DCBLD2: variants seen among roughly 807,000 people sequenced by gnomAD.
DCBLD2 encodes the protein discoidin, CUB and LCCL domain-containing protein 2.
Under a neutral mutation model 86.8 loss-of-function variants are expected in DCBLD2, and 54 were observed. That is an observed-to-expected ratio of 0.62 (90% CI 0.50 to 0.78). The LOEUF (loss-of-function observed/expected upper bound fraction) is 0.78, where lower values mean the gene tolerates loss of function less well. Ranked by LOEUF, DCBLD2 falls within the 30% of genes least tolerant of loss-of-function variation. The pLI, the probability that DCBLD2 is intolerant of heterozygous loss-of-function variation, is 0.00. For synonymous variants in DCBLD2, 354 were observed against 341.3 expected (o/e 1.04, Z -0.41); for missense variants, 908 against 954.2 (o/e 0.95, Z 0.64).
At chr3:98,842,932 T>G (rs1023660215) in intron 3 of DCBLD2, among the ~76,000 whole-genome samples, 1 of 152,146 alleles carries the variant, frequency 6.6e-6, no homozygotes, top group Non-Finnish European at 1.5e-5. Context: ...CAAACACGTA[T>G]GTAGTCTCTT....
chr3:98,844,736 A>C (rs1369136574), intron 3 of DCBLD2, among the ~76,000 whole-genome samples: 1 of 152,170 alleles, frequency 6.6e-6, no homozygotes, highest in African/African-American at 2.4e-5. Flanking sequence ...GTTCTGCCTC[A>C]CTCAGTAACA....
At chr3:98,849,309 T>C (rs1942788110) in intron 3 of DCBLD2, 152 bp downstream of exon 3, 2 of 926,308 alleles carry the variant, frequency 2.2e-6, no homozygotes, top group South Asian at 3.5e-5. Flanking sequence ...GAAACTGAAC[T>C]CACCTTATTT....
intron 1 of DCBLD2, among the ~76,000 whole-genome samples, chr3:98,886,625 T>C (rs913968930): frequency 1.3e-5 from 2 of 151,966 alleles, no homozygotes; most frequent in Non-Finnish European, 2.9e-5. Flanking sequence ...GTTAACCTAA[T>C]TTTTGAATTT....
At chr3:98,800,873 G>A (rs889650961) in intron 14 of DCBLD2, 157 bp from the exon 15 acceptor site, 27 of 788,394 alleles carry the variant, frequency 3.4e-5, no homozygotes, top group South Asian at 2.4e-4. Flanking sequence ...TTTTTTTGCT[G>A]TGATAGACTA....
At chr3:98,846,039 C>A (rs1456894712) in intron 3 of DCBLD2, among the ~76,000 whole-genome samples, 1 of 152,192 alleles carries the variant, frequency 6.6e-6, no homozygotes, top group Non-Finnish European at 1.5e-5. Flanking sequence ...CCCTATACTG[C>A]AAGTTCCATG....
Position 98,799,932 on chromosome 3 carries a change from A to G in DCBLD2, c.1859-91T>C, listed in dbSNP as rs1443425469. Reference sequence around the variant, plus strand: ...GCAGCTGCAGATTATACTAAAAGCAAACATTCTTTAGGATACTTTTGTTGC... The same window carrying G: ...GCAGCTGCAGATTATACTAAAAGCAGACATTCTTTAGGATACTTTTGTTGC... On this transcript the variant is annotated intron_variant, in intron 15 of 15. Transcript: ENST00000326840. The G allele has an allele frequency of 3.6e-6, 4 of 1,098,116 alleles. No individual in the cohort carries two copies. In the Admixed American group the frequency reaches 1.1e-4, roughly 31 times the overall value. The allele number at this position is 1,098,116 out of a possible 1,614,324, so 68.0% of individuals were successfully genotyped here.
intron 2 of DCBLD2, among the ~76,000 whole-genome samples, chr3:98,865,679 T>TA (rs1194294303): frequency 6.6e-6 from 1 of 152,134 alleles, no homozygotes; most frequent in Non-Finnish European, 1.5e-5. Context: ...TATGAAAACA[T>TA]AATGTACAGC....
In DCBLD2 at chr3:98,901,378, G is replaced by A. The variant is rs2107539742; in HGVS notation, c.-52C>T. On this transcript the variant is annotated 5_prime_UTR_variant, in exon 1 of 16. Transcript: ENST00000326840. ...AGTGCGGGTGCCTCGGCAGCCCCGC[G>A]CGCCTCTGGCCGCGGCACCCGACCA... is the stretch of plus-strand genomic sequence containing the variant. 6 of 1,272,158 alleles carry A rather than the reference G, an allele frequency of 4.7e-6. No homozygotes were observed. In the African/African-American group the frequency reaches 7.8e-5, roughly 17 times the overall value. 78.8% of individuals were successfully genotyped at this position (1,272,158 alleles called of 1,614,324 possible). A position where few individuals can be genotyped will look rare whatever the true frequency, so the allele number is the denominator to read the frequency against.
chr3:98,860,554 AG>A (rs1283348090), intron 2 of DCBLD2, among the ~76,000 whole-genome samples: 3 of 152,238 alleles, frequency 2.0e-5, no homozygotes, highest in African/African-American at 7.2e-5. Flanking sequence ...GCCAGAAGAC[AG>A]TAGGGGCCAA....
intron 2 of DCBLD2, among the ~76,000 whole-genome samples, chr3:98,864,272 A>T (rs889555257): frequency 6.6e-6 from 1 of 152,196 alleles, no homozygotes; most frequent in South Asian, 2.1e-4. Flanking sequence ...TAAACTTGTT[A>T]AACCATTGTA....
chr3:98,796,248 A>ACG lies in DCBLD2; in HGVS notation c.*3123_*3124insCG. ...ACTTTTCCCAGTGCCACACACACAC[A>ACG]CACAAAAACAAAACAAAACAAAAAA... On this transcript the variant is annotated 3_prime_UTR_variant, in exon 16 of 16. Transcript: ENST00000326840. The ACG allele has an allele frequency of 6.6e-6, 1 of 152,316 alleles. No homozygotes were observed. The highest frequency in any genetic ancestry group is 6.6e-5 in the Admixed American group (1 of 15,242). The allele number at this position is 152,316 out of a possible 1,614,324, so 9.4% of individuals were successfully genotyped here. A position where few individuals can be genotyped will look rare whatever the true frequency, so the allele number is the denominator to read the frequency against.
At chr3:98,843,524 T>C (rs931398610) in intron 3 of DCBLD2, among the ~76,000 whole-genome samples, 5 of 152,170 alleles carry the variant, frequency 3.3e-5, no homozygotes, top group Non-Finnish European at 7.4e-5. Context: ...TTACAGAAAT[T>C]TGGACTCTGC....
Position 98,806,730 on chromosome 3 carries a change from T to A in DCBLD2, c.1670+1351A>T, listed in dbSNP as rs571160338. Among the ~76,000 whole-genome samples, 7 of 152,316 alleles carry A rather than the reference T, an allele frequency of 4.6e-5. No individual in the cohort carries two copies. The South Asian group carries it at 1.4e-3, about 32-fold the overall frequency. ...GGCTGAACAAATGAAGTCATTTTCA[T>A]TCTCCACCAAACCTGTCCTTCCTGC... is the stretch of plus-strand genomic sequence containing the variant. On this transcript the variant is annotated intron_variant, in intron 13 of 15. Transcript: ENST00000326840.
intron 2 of DCBLD2, among the ~76,000 whole-genome samples, chr3:98,857,472 C>T (rs1942955481): frequency 6.6e-6 from 1 of 152,094 alleles, no homozygotes; most frequent in South Asian, 2.1e-4. Context: ...GCCGACTGGT[C>T]CATTTTACAG....
intron 1 of DCBLD2, among the ~76,000 whole-genome samples, chr3:98,885,809 G>A (rs1031703535): frequency 6.6e-6 from 1 of 151,714 alleles, no homozygotes. Context: ...GAGGAGAAGA[G>A]GACCCCACAG....
Position 98,817,882 on chromosome 3 carries a change from T to A in DCBLD2, c.1099A>T (p.Thr367Ser). Reference protein sequence around the residue: ...KEKKITGIITTGSTMVEHNYY... With the variant: ...KEKKITGIITSGSTMVEHNYY... ...TTGTGCTCCACCATGGTGGATCCAG[T>A]GGTTATAATGCCTGGGGAATGAAGA... Residue 367 changes from threonine to serine, a missense_variant, in exon 9 of 16, where the codon ACT (threonine) becomes TCT (serine). By Grantham distance (58) the Thr-to-Ser change is moderately conservative (BLOSUM62 1). Transcript: ENST00000326840. The A allele has an allele frequency of 6.2e-7, 1 of 1,613,300 alleles. No individual in the cohort carries two copies. The highest frequency in any genetic ancestry group is 8.5e-7 in the Non-Finnish European group (1 of 1,179,496).
chr3:98,886,796 G>GA lies in DCBLD2; in HGVS notation c.206-5030dup, dbSNP rs368452262. Among the ~76,000 whole-genome samples, 510 of 113,200 alleles carry GA rather than the reference G, an allele frequency of 4.5e-3. 8 individuals carry two copies. In the South Asian group the frequency reaches 0.049, roughly 11 times the overall value. 74.3% of individuals were successfully genotyped at this position (113,200 alleles called of 152,430 possible). ...GATACAAATTTTGATATTATTACAG[G>GA]AAAACCCCCCCCCTTTTTTTTTTTT... On this transcript the variant is annotated intron_variant, in intron 1 of 15. Transcript: ENST00000326840.
At chr3:98,878,202 T>C (rs1414999475) in intron 2 of DCBLD2, among the ~76,000 whole-genome samples, 1 of 152,154 alleles carries the variant, frequency 6.6e-6, no homozygotes, top group Non-Finnish European at 1.5e-5. Context: ...ATAGTTACAG[T>C]GTAGAAAACT....
chr3:98,864,078 A>G (rs1180827987), intron 2 of DCBLD2, among the ~76,000 whole-genome samples: 1 of 152,268 alleles, frequency 6.6e-6, no homozygotes, highest in African/African-American at 2.4e-5. Context: ...GAAGACATTT[A>G]TGCAGCCAAA....
Sources: allele counts gnomAD v4.1 joint callset (sites outside exome capture counted in the v4.1 genomes callset), GRCh38; gene constraint gnomAD v4.1.1; transcripts MANE v1.5; gene names NCBI Gene and HGNC (gene_info 2026-07-23, HGNC 2026-07-21).